Variants in PTPN13 observed in about 807,000 individuals in gnomAD.
The protein encoded by PTPN13 is tyrosine-protein phosphatase non-receptor type 13.
Under a neutral mutation model 284.0 loss-of-function variants are expected in PTPN13, and 191 were observed. That is an observed-to-expected ratio of 0.67 (90% CI 0.60 to 0.76). The LOEUF is 0.76. Among genes scored for constraint, PTPN13 ranks in the 30% least tolerant of loss-of-function variants. The probability of loss-of-function intolerance (pLI) is 0.00; values close to 1 mark genes in which losing one functional copy is unlikely to be tolerated. For synonymous variants in PTPN13, 986 were observed against 1,022.3 expected, an observed-to-expected ratio of 0.96 and a Z score of 0.68; for missense variants, 2,797 against 2,939.9, an observed-to-expected ratio of 0.95 and a Z score of 1.12.
intron 26 of PTPN13, 28 bp from the exon 27 acceptor site, chr4:86,766,404 T>A (rs1338838051): frequency 1.3e-6 from 2 of 1,541,214 alleles, no homozygotes; most frequent in Non-Finnish European, 1.8e-6. Context: ...AGGATTTTTA[T>A]TTATGATTTG....
chr4:86,763,385 G>A (rs1738930514), intron 24 of PTPN13, among the ~76,000 whole-genome samples, 195 bp downstream of exon 24: 1 of 152,108 alleles, frequency 6.6e-6, no homozygotes, highest in Non-Finnish European at 1.5e-5. Flanking sequence ...ACTTTAAATG[G>A]CTATGACTTT....
intron 44 of PTPN13, 56 bp downstream of exon 44, chr4:86,805,425 T>G: frequency 9.1e-7 from 1 of 1,101,306 alleles, no homozygotes; most frequent in African/African-American, 1.6e-5. Context: ...ATTAATGGAT[T>G]AAAATTTTTT....
intron 1 of PTPN13, among the ~76,000 whole-genome samples, chr4:86,601,164 T>A (rs1166160173): frequency 6.6e-6 from 1 of 152,078 alleles, no homozygotes; most frequent in African/African-American, 2.4e-5. Flanking sequence ...CTGTACTTCA[T>A]GAAAGCTGGG....
chr4:86,814,597 C>G lies in PTPN13; in HGVS notation c.*46C>G, dbSNP rs1206354367. ...GCATTTCCATTTCTCTCCTTAACCT[C>G]CAGCAGACTCCTGCTCTCTATCCAA... On this transcript the variant is annotated 3_prime_UTR_variant, in exon 48 of 48. Coordinates refer to ENST00000411767, the MANE Select transcript of PTPN13 (RefSeq NM_080683.3). 1.4e-6 allele frequency: 2 copies of G among 1,436,266 alleles called. No homozygotes were observed. The highest frequency in any genetic ancestry group is 2.0e-6 in the Non-Finnish European group (2 of 1,022,036). 89.0% of individuals were successfully genotyped at this position (1,436,266 alleles called of 1,614,324 possible). A position where few individuals can be genotyped will look rare whatever the true frequency, so the allele number is the denominator to read the frequency against.
chr4:86,785,422 A>G, intron 39 of PTPN13, 54 bp downstream of exon 39: 1 of 1,496,832 alleles, frequency 6.7e-7, no homozygotes. Flanking sequence ...AAACGTCTCT[A>G]GGGAGCATTT....
chr4:86,613,719 G>C (rs1244391216), intron 1 of PTPN13, among the ~76,000 whole-genome samples: 1 of 151,480 alleles, frequency 6.6e-6, no homozygotes, highest in African/African-American at 2.4e-5. Context: ...GGTCAACCTT[G>C]CGAGCAAGCC....
At chr4:86,733,832 C>T (rs1735210613) in intron 12 of PTPN13, among the ~76,000 whole-genome samples, 1 of 151,974 alleles carries the variant, frequency 6.6e-6, no homozygotes, top group Admixed American at 6.6e-5. Context: ...AAATGTCATT[C>T]CTTCTAGGTT....
rs998808112 is a variant in PTPN13 at position 86,771,278 on chromosome 4, C to G, written c.4911C>G (p.Asp1637Glu). ...GCTCAGATGAAAATGAAATGTCAGA[C>G]AAAAGCAAAAAACAGTGCAAGTCCC... is the stretch of plus-strand genomic sequence containing the variant. ...STSSDENEMSDKSKKQCKSPS... is the reference protein window; with the variant it reads ...STSSDENEMSEKSKKQCKSPS... The change falls in exon 31 of 48, where the codon GAC becomes GAG. Residue 1637 changes from aspartate to glutamate, a missense_variant. Physicochemically the swap from Asp to Glu is conservative, Grantham distance 45 (BLOSUM62 2). Coordinates refer to ENST00000411767, the MANE Select transcript of PTPN13 (RefSeq NM_080683.3). The G allele has an allele frequency of 2.5e-6, 4 of 1,606,386 alleles. No individual in the cohort carries two copies. The Admixed American group carries it at 6.8e-5, about 27-fold the overall frequency.
chr4:86,727,064 A>G (rs1734353073), intron 10 of PTPN13, among the ~76,000 whole-genome samples: 1 of 149,528 alleles, frequency 6.7e-6, no homozygotes, highest in Non-Finnish European at 1.5e-5. Context: ...GCATCTATTG[A>G]GATAATCATG....
intron 1 of PTPN13, among the ~76,000 whole-genome samples, chr4:86,634,585 A>G (rs540978856): frequency 1.3e-5 from 2 of 152,290 alleles, no homozygotes; most frequent in East Asian, 3.9e-4. Flanking sequence ...TTCCCTTGTC[A>G]TAGCCACCCA....
chr4:86,750,979 AT>A, intron 18 of PTPN13, 47 bp from the exon 19 acceptor site: 2 of 1,552,986 alleles, frequency 1.3e-6, no homozygotes, highest in Admixed American at 1.9e-5. Flanking sequence ...TTTTCACCAT[AT>A]TTTTTTACAT....
intron 10 of PTPN13, 35 bp from the exon 11 acceptor site, chr4:86,732,362 ATAG>A (rs762883609): frequency 2.1e-6 from 3 of 1,444,980 alleles, no homozygotes; most frequent in Non-Finnish European, 2.8e-6. Context: ...ACTAGAATAA[ATAG>A]TAAAAAATAT....
intron 40 of PTPN13, among the ~76,000 whole-genome samples, chr4:86,787,050 G>A (rs767986061): frequency 6.6e-6 from 1 of 151,580 alleles, no homozygotes; most frequent in African/African-American, 2.4e-5. Flanking sequence ...GTTGCATTGA[G>A]CGGAGATCAT....
At chr4:86,667,960 G>A (rs1727267142) in intron 2 of PTPN13, among the ~76,000 whole-genome samples, 1 of 152,086 alleles carries the variant, frequency 6.6e-6, no homozygotes, top group South Asian at 2.1e-4. Context: ...GAAATGGCAA[G>A]AACCCTCAGG....
intron 3 of PTPN13, among the ~76,000 whole-genome samples, chr4:86,685,737 A>G (rs1028897344): frequency 1.3e-5 from 2 of 152,230 alleles, no homozygotes; most frequent in African/African-American, 4.8e-5. Flanking sequence ...TACATGTACA[A>G]AAACATGTGG....
chr4:86,635,910 C>T (rs181447469), intron 2 of PTPN13, among the ~76,000 whole-genome samples: 3 of 152,176 alleles, frequency 2.0e-5, no homozygotes, highest in Admixed American at 2.0e-4. Flanking sequence ...TTGCAGTGAG[C>T]CAAGATTATG....
intron 2 of PTPN13, among the ~76,000 whole-genome samples, chr4:86,645,709 C>T (rs1724342496): frequency 6.6e-6 from 1 of 152,012 alleles, no homozygotes; most frequent in African/African-American, 2.4e-5. Context: ...AAATAGAGAG[C>T]TATGGTGTGT....
rs1313821695 is a variant in PTPN13 at position 86,785,876 on chromosome 4, A to G, written c.6285A>G (p.Ser2095=). The change falls in exon 40 of 48, where the codon TCA becomes TCG. Residue 2095 remains serine (S), a synonymous_variant. Transcript: ENST00000411767. ...PGTLKMNGKL[S]EERTEDTDCD... ...CATTAAAGATGAATGGGAAGTTATC[A>G]GAAGAGAGAACAGAAGATACAGACT... is the stretch of plus-strand genomic sequence containing the variant. 6.4e-7 allele frequency: 1 copy of G among 1,567,878 alleles called. No individual in the cohort carries two copies. The highest frequency in any genetic ancestry group is 1.3e-5 in the African/African-American group (1 of 74,184).
intron 15 of PTPN13, among the ~76,000 whole-genome samples, chr4:86,739,481 A>G (rs569861722): frequency 6.6e-6 from 1 of 152,310 alleles, no homozygotes; most frequent in Non-Finnish European, 1.5e-5. Flanking sequence ...AGATCTCGTG[A>G]GACTTACTCA....
Sources: gnomAD v4.1 joint callset for allele counts (sites outside exome capture counted in the v4.1 genomes callset) on GRCh38, gnomAD v4.1.1 for gene constraint, MANE v1.5 for transcripts, NCBI Gene and HGNC (gene_info 2026-07-23, HGNC 2026-07-21) for gene names.